Variants in MYT1L observed in about 807,000 individuals in gnomAD.
MYT1L encodes the protein myelin transcription factor 1 like, also known as myelin transcription factor 1-like protein.
MYT1L carries 12 observed loss-of-function variants against 126.7 expected under a neutral mutation model. The ratio of observed to expected loss-of-function variants is 0.09; its 90% CI spans 0.06 to 0.15. The LOEUF is 0.15. Ranked by LOEUF, MYT1L falls within the 10% of genes least tolerant of loss-of-function variation. The pLI is 1.00. For missense variants in MYT1L, 979 were observed against 1,585.2 expected (o/e 0.62, Z 6.49); for synonymous variants, 541 against 604.2 (o/e 0.90, Z 1.53).
At position 2,084,631 on chromosome 2, in the gene MYT1L, C is replaced by T. The variant is rs367750672; in HGVS notation, c.-303-30508G>A. On this transcript the variant is annotated intron_variant, in intron 3 of 24. Transcript: ENST00000647738. ...GGAGGCAATCGGCCTGCTGGAACCC[C>T]GAGAGAACTGAGGTCCCAAGTGACC... Among the ~76,000 whole-genome samples the T allele has an allele frequency of 3.3e-5, 5 of 152,246 alleles. No homozygotes were observed. In the East Asian group the frequency reaches 9.7e-4, roughly 29 times the overall value.
intron 2 of MYT1L, among the ~76,000 whole-genome samples, chr2:2,249,022 CCAGA>C (rs1238329125): frequency 7.3e-5 from 11 of 151,334 alleles, no homozygotes; most frequent in African/African-American, 2.2e-4. Flanking sequence ...GCCAGAGCAA[CCAGA>C]CAAAGGGAAG....
chr2:2,084,580 C>T (rs2150341001), intron 3 of MYT1L, among the ~76,000 whole-genome samples: 1 of 152,306 alleles, frequency 6.6e-6, no homozygotes, highest in Middle Eastern at 3.4e-3. Context: ...GAAACCGAGT[C>T]CTGGCAACAG....
At chr2:2,262,419 G>A (rs531860474) in intron 2 of MYT1L, among the ~76,000 whole-genome samples, 4 of 151,504 alleles carry the variant, frequency 2.6e-5, no homozygotes, top group African/African-American at 7.3e-5. Flanking sequence ...TAGGCAGGGC[G>A]CGGTGGCTCA....
intron 2 of MYT1L, among the ~76,000 whole-genome samples, chr2:2,222,742 C>T (rs1017848357): frequency 1.3e-5 from 2 of 151,900 alleles, no homozygotes; most frequent in South Asian, 2.1e-4. Context: ...GAGAAGGAAT[C>T]CTAAACTGTA....
intron 18 of MYT1L, among the ~76,000 whole-genome samples, chr2:1,879,015 T>C (rs146914194): frequency 3.9e-4 from 59 of 152,268 alleles, no homozygotes; most frequent in African/African-American, 1.2e-3. Context: ...AGAAGTAATT[T>C]CCCTGAGTCA....
At position 1,811,374 on chromosome 2, in the gene MYT1L, T is replaced by TCAGCTCTGGCGTCAC; in HGVS notation, c.3081-2208_3081-2207insGTGACGCCAGAGCTG. Reference sequence around the variant, plus strand: ...CCCAGCGTCATCAGCTCCAGCATCATCAGCTCTGGCGTCATCAGCTCTGGC... The same window carrying TCAGCTCTGGCGTCAC: ...CCCAGCGTCATCAGCTCCAGCATCATCAGCTCTGGCGTCACCAGCTCTGGCGTCATCAGCTCTGGC... On this transcript the variant is annotated intron_variant, in intron 21 of 24. Coordinates refer to ENST00000647738, the MANE Select transcript of MYT1L (RefSeq NM_001303052.2). This position sits in a 1 kb window ranked among gnomAD's most constrained non-coding sequence, Gnocchi z 4.4. 6.6e-6 allele frequency: 1 copy of TCAGCTCTGGCGTCAC among 152,436 alleles called. No individual in the cohort carries two copies. The highest frequency in any genetic ancestry group is 6.6e-5 in the Admixed American group (1 of 15,264). The allele number at this position is 152,436 out of a possible 1,614,324, so 9.4% of individuals were successfully genotyped here.
intron 1 of MYT1L, among the ~76,000 whole-genome samples, chr2:2,315,826 AT>A (rs1318475096): frequency 1.3e-5 from 2 of 152,066 alleles, no homozygotes; most frequent in East Asian, 3.8e-4. Context: ...TTGCCTGTAA[AT>A]TTTTTTACTG....
rs192872826 is a variant in MYT1L, at chr2:2,091,325, T to C, written c.-303-37202A>G. Reference sequence around the variant, plus strand: ...CCTTGCACATCCCCATCAGAGCTCTTGGGTGGCCAGGCACACTGTCAATAA... The same window carrying C: ...CCTTGCACATCCCCATCAGAGCTCTCGGGTGGCCAGGCACACTGTCAATAA... On this transcript the variant is annotated intron_variant, in intron 3 of 24. Coordinates refer to ENST00000647738, the MANE Select transcript of MYT1L (RefSeq NM_001303052.2). Among the ~76,000 whole-genome samples, 174 of 152,328 alleles carry C rather than the reference T, an allele frequency of 1.1e-3. 1 individual carries two copies. The highest frequency in any genetic ancestry group is 3.6e-3 in the African/African-American group (149 of 41,576).
intron 11 of MYT1L, among the ~76,000 whole-genome samples, chr2:1,916,559 T>G (rs931253337): frequency 1.3e-5 from 2 of 152,238 alleles, no homozygotes; most frequent in Non-Finnish European, 2.9e-5. Context: ...ATCATTTCAA[T>G]TCTAAAAAAA....
At chr2:1,997,488 C>T (rs1231162678) in intron 4 of MYT1L, 141 bp from the exon 5 acceptor site, 1 of 152,462 alleles carries the variant, frequency 6.6e-6, no homozygotes, top group Non-Finnish European at 1.5e-5. Context: ...TCTTTCATGT[C>T]CATGAGCAAC....
In MYT1L at chr2:2,024,616, T is replaced by A. The variant is rs1267365155; in HGVS notation, c.-157-27269A>T. 3.3e-5 allele frequency among the ~76,000 whole-genome samples: 5 copies of A among 152,348 alleles called. No homozygotes were observed. In the South Asian group the frequency reaches 6.2e-4, roughly 19 times the overall value. On this transcript the variant is annotated intron_variant, in intron 4 of 24. Transcript: ENST00000647738. ...ATTAAACAACTCATAAAGCTTTATATCCAGGCCGGCTTTGTTGTTGCCATT... is the reference window on the plus strand; with the variant it reads ...ATTAAACAACTCATAAAGCTTTATAACCAGGCCGGCTTTGTTGTTGCCATT...
At chr2:1,881,809 G>A (rs2047588994) in intron 18 of MYT1L, among the ~76,000 whole-genome samples, 1 of 152,180 alleles carries the variant, frequency 6.6e-6, no homozygotes, top group South Asian at 2.1e-4. Context: ...GCATGTGTAT[G>A]GCTGTAGTCA....
intron 1 of MYT1L, among the ~76,000 whole-genome samples, chr2:2,305,035 T>A (rs1379549474): frequency 6.6e-6 from 1 of 152,242 alleles, no homozygotes; most frequent in Non-Finnish European, 1.5e-5. Context: ...ACTGTTTATA[T>A]ATTAAAATGA....
chr2:2,174,906 T>C (rs564659129), intron 2 of MYT1L, among the ~76,000 whole-genome samples: 1 of 152,092 alleles, frequency 6.6e-6, no homozygotes, highest in South Asian at 2.1e-4. Context: ...AGGCTAAAAG[T>C]TTAAATCTGT....
chr2:2,262,421 G>A (rs978835538), intron 2 of MYT1L, among the ~76,000 whole-genome samples: 2 of 151,574 alleles, frequency 1.3e-5, no homozygotes, highest in East Asian at 3.9e-4. Flanking sequence ...GGCAGGGCGC[G>A]GTGGCTCACG....
chr2:2,015,996 G>A (rs1248067693), intron 4 of MYT1L, among the ~76,000 whole-genome samples: 1 of 152,102 alleles, frequency 6.6e-6, no homozygotes, highest in African/African-American at 2.4e-5. Context: ...ATGAGGGAGG[G>A]GCTGGAACCT....
intron 1 of MYT1L, chr2:2,306,034 T>C (rs2095852997): frequency 6.6e-6 from 1 of 152,320 alleles, no homozygotes; most frequent in East Asian, 1.9e-4. Flanking sequence ...AAAATCTGAA[T>C]GGTGACATTT....
chr2:1,817,700 G>A (rs1369080705), intron 21 of MYT1L, among the ~76,000 whole-genome samples: 1 of 152,174 alleles, frequency 6.6e-6, no homozygotes, highest in Non-Finnish European at 1.5e-5. Flanking sequence ...GCCATCTAGC[G>A]GTGGCCTGGG....
chr2:2,269,137 T>G (rs999512018), intron 2 of MYT1L, among the ~76,000 whole-genome samples: 1 of 152,322 alleles, frequency 6.6e-6, no homozygotes, highest in African/African-American at 2.4e-5. Context: ...CGCTCAACAC[T>G]TTCTAAATTA....
Sources: gnomAD v4.1 joint callset for allele counts (sites outside exome capture counted in the v4.1 genomes callset) on GRCh38, gnomAD v4.1.1 for gene constraint, Gnocchi (gnomAD v3.1) non-coding constraint, MANE v1.5 for transcripts, NCBI Gene and HGNC (gene_info 2026-07-23, HGNC 2026-07-21) for gene names.